CNTN1: variants seen among roughly 807,000 people sequenced by gnomAD.
The protein encoded by CNTN1 is contactin-1.
In CNTN1, 38 loss-of-function variants were observed where a neutral mutation model predicts 126.4. The ratio of observed to expected loss-of-function variants is 0.30; its 90% CI spans 0.23 to 0.39. The LOEUF is 0.39. Among genes scored for constraint, CNTN1 ranks in the 10% least tolerant of loss-of-function variants. The pLI is 1.00. For missense variants in CNTN1, 1,009 were observed against 1,248.4 expected (o/e 0.81, Z 2.89); for synonymous variants, 413 against 422.6 (o/e 0.98, Z 0.28).
intron 17 of CNTN1, chr12:41,005,169 T>C (rs542535310): frequency 6.6e-6 from 1 of 152,300 alleles, no homozygotes; most frequent in Non-Finnish European, 1.5e-5. Context: ...AAAAGGATCT[T>C]ATTTCTCCTT....
At chr12:40,768,240 G>T (rs1295505089) in intron 1 of CNTN1, among the ~76,000 whole-genome samples, 1 of 152,076 alleles carries the variant, frequency 6.6e-6, no homozygotes, top group Admixed American at 6.6e-5. Flanking sequence ...TTATTTCATG[G>T]AAAAAGACAC....
At chr12:40,722,256 T>C (rs1446490408) in intron 1 of CNTN1, among the ~76,000 whole-genome samples, 2 of 152,228 alleles carry the variant, frequency 1.3e-5, no homozygotes, top group African/African-American at 4.8e-5. Flanking sequence ...GATAACCTGT[T>C]CTGAACTGGT....
At chr12:40,729,396 A>G (rs1418559389) in intron 1 of CNTN1, 1 of 153,506 alleles carries the variant, frequency 6.5e-6, no homozygotes, top group African/African-American at 2.4e-5. Flanking sequence ...GAAGAAGGTG[A>G]TATTGTTAAT....
chr12:40,918,236 G>A (rs1049333766), intron 3 of CNTN1, among the ~76,000 whole-genome samples: 3 of 152,158 alleles, frequency 2.0e-5, no homozygotes, highest in Non-Finnish European at 4.4e-5. Flanking sequence ...AAAGCCAGGA[G>A]AGATGAGAGG....
rs397833349 is a variant in CNTN1, at chr12:40,925,834, G to A, written c.496+1182G>A. Among the ~76,000 whole-genome samples, 601 of 69,876 alleles carry A rather than the reference G, an allele frequency of 8.6e-3. 10 individuals are homozygous for A. The highest frequency in any genetic ancestry group is 0.05 in the African/African-American group (566 of 11,288). The allele number at this position is 69,876 out of a possible 152,430, so 45.8% of individuals were successfully genotyped here. A position where few individuals can be genotyped will look rare whatever the true frequency, so the allele number is the denominator to read the frequency against. On this transcript the variant is annotated intron_variant, in intron 6 of 23. Coordinates refer to ENST00000551295, the MANE Select transcript of CNTN1 (RefSeq NM_001843.4). Reference sequence around the variant, plus strand: ...TATATATATATATATATATATGTATGTGTGTGTGTGTATATATATATATAT... The same window carrying A: ...TATATATATATATATATATATGTATATGTGTGTGTGTATATATATATATAT...
chr12:40,969,376 C>T (rs1018753717), intron 15 of CNTN1, among the ~76,000 whole-genome samples: 1 of 152,026 alleles, frequency 6.6e-6, no homozygotes, highest in Non-Finnish European at 1.5e-5. Context: ...ATAGCTTCTC[C>T]AACTCTAATT....
chr12:40,943,608 G>C lies in CNTN1; in HGVS notation c.1391G>C (p.Trp464Ser), dbSNP rs1196612338. 6 of 1,575,102 alleles carry C rather than the reference G, an allele frequency of 3.8e-6. No individual in the cohort carries two copies. The highest frequency in any genetic ancestry group is 5.2e-6 in the Non-Finnish European group (6 of 1,144,780). Reference sequence around the variant, plus strand: ...TTTTATTTCACTAGAATACTCATTTGGGAAGATGGTAGCTTGGAAATCAAC... The same window carrying C: ...TTTTATTTCACTAGAATACTCATTTCGGAAGATGGTAGCTTGGAAATCAAC... ...WLVNSSRILI[W>S]EDGSLEINNI... Residue 464 changes from tryptophan (W) to serine (S), a missense_variant, in exon 13 of 24, where the codon TGG (tryptophan) becomes TCG (serine). By Grantham distance (177) the Trp-to-Ser change is radical. Coordinates refer to ENST00000551295, the MANE Select transcript of CNTN1 (RefSeq NM_001843.4).
intron 1 of CNTN1, among the ~76,000 whole-genome samples, chr12:40,747,625 T>G (rs2136392245): frequency 6.6e-6 from 1 of 152,170 alleles, no homozygotes; most frequent in Admixed American, 6.6e-5. Flanking sequence ...TCAGTTTGGC[T>G]GCTGGATGGA....
chr12:41,011,707 T>G (rs1040148374), intron 17 of CNTN1, among the ~76,000 whole-genome samples: 1 of 152,212 alleles, frequency 6.6e-6, no homozygotes, highest in Non-Finnish European at 1.5e-5. Flanking sequence ...TATGTAACAG[T>G]TGCATTTGGG....
At chr12:40,965,820 A>G (rs1947286158) in intron 15 of CNTN1, among the ~76,000 whole-genome samples, 1 of 152,222 alleles carries the variant, frequency 6.6e-6, no homozygotes, top group South Asian at 2.1e-4. Context: ...TTCTTAAATA[A>G]GCAAATATGG....
At chr12:40,900,866 G>T (rs1944577106) in intron 1 of CNTN1, among the ~76,000 whole-genome samples, 1 of 152,176 alleles carries the variant, frequency 6.6e-6, no homozygotes, top group African/African-American at 2.4e-5. Context: ...GATAAAACAT[G>T]GTAGATAGGT....
intron 1 of CNTN1, among the ~76,000 whole-genome samples, chr12:40,750,055 A>C (rs886791314): frequency 1.3e-5 from 2 of 152,044 alleles, no homozygotes; most frequent in South Asian, 2.1e-4. Flanking sequence ...TATTTCCTGG[A>C]GTGTTAAGAA....
At chr12:40,693,467 A>G (rs1365261720) in intron 1 of CNTN1, among the ~76,000 whole-genome samples, 2 of 152,250 alleles carry the variant, frequency 1.3e-5, no homozygotes, top group Non-Finnish European at 2.9e-5. Flanking sequence ...TGCAGGAGTC[A>G]GATTGCTGGG....
intron 23 of CNTN1, among the ~76,000 whole-genome samples, chr12:41,066,598 G>A (rs942732675): frequency 6.6e-6 from 1 of 152,180 alleles, no homozygotes; most frequent in African/African-American, 2.4e-5. Flanking sequence ...ACACCACAAA[G>A]AGAAAATTCT....
At chr12:41,061,885 G>A (rs754383426) in intron 23 of CNTN1, 23 of 451,428 alleles carry the variant, frequency 5.1e-5, no homozygotes, top group Non-Finnish European at 9.8e-5. Flanking sequence ...AGAACTAGAG[G>A]TAGGTCTTAA....
At chr12:40,744,313 A>AAT (rs888367916) in intron 1 of CNTN1, among the ~76,000 whole-genome samples, 11 of 146,932 alleles carry the variant, frequency 7.5e-5, no homozygotes, top group African/African-American at 2.8e-4. Flanking sequence ...ATAAAAAAAA[A>AAT]ATAAAAGAAC....
chr12:40,869,926 G>GT (rs1943428823), intron 1 of CNTN1, among the ~76,000 whole-genome samples: 1 of 152,166 alleles, frequency 6.6e-6, no homozygotes, highest in African/African-American at 2.4e-5. Flanking sequence ...ATCTTGAATT[G>GT]TAACTCCCAT....
chr12:40,715,935 T>A (rs1030191016), intron 1 of CNTN1, among the ~76,000 whole-genome samples: 12 of 152,120 alleles, frequency 7.9e-5, no homozygotes, highest in African/African-American at 2.9e-4. Flanking sequence ...TGGGCTTGCA[T>A]CTTGACATAG....
chr12:40,931,431 T>TA lies in CNTN1; in HGVS notation c.703+1430dup, dbSNP rs537303766. Among the ~76,000 whole-genome samples the TA allele has an allele frequency of 2.2e-3, 329 of 152,064 alleles. 1 individual carries two copies. Among genetic ancestry groups the TA allele is most frequent in the Admixed American group, 3.3e-3 (50 of 15,192 alleles). The stretch of plus-strand genomic sequence containing the variant: ...CTTTTCCTAGGTATTCTCACCCACT[T>TA]ACACATTTTCAACAGTATACCTTTG... On this transcript the variant is annotated intron_variant, in intron 7 of 23. Transcript: ENST00000551295.
Sources: allele counts gnomAD v4.1 joint callset (sites outside exome capture counted in the v4.1 genomes callset), GRCh38; gene constraint gnomAD v4.1.1; transcripts MANE v1.5; gene names NCBI Gene and HGNC (gene_info 2026-07-23, HGNC 2026-07-21).